The following FLT4 variants were observed in gnomAD, a reference collection of about 807,000 sequenced individuals.
FLT4 encodes the protein vascular endothelial growth factor receptor 3.
Under a neutral mutation model 163.2 loss-of-function variants are expected in FLT4, and 30 were observed. The observed-to-expected ratio is 0.18, with a 90% CI of 0.14 to 0.25. The LOEUF is 0.25. FLT4 is among the 10% of genes least tolerant of loss of function. FLT4 has a pLI of 1.00. For synonymous variants in FLT4, 884 were observed against 789.5 expected (o/e 1.12, Z -2.01); for missense variants, 1,510 against 1,863.8 (o/e 0.81, Z 3.50).
intron 23 of FLT4, among the ~76,000 whole-genome samples, chr5:180,615,337 GGGC>G (rs1762575029): frequency 1.7e-5 from 1 of 59,498 alleles, no homozygotes; most frequent in Non-Finnish European, 4.0e-5. Context: ...TCGGAGCACT[GGGC>G]CCCGCTGGTC....
intron 25 of FLT4, 85 bp downstream of exon 25, chr5:180,612,926 C>T: frequency 9.4e-7 from 1 of 1,064,428 alleles, no homozygotes; most frequent in South Asian, 1.4e-5. Context: ...CCCTGGCTTC[C>T]CTGATGCCAC....
chr5:180,649,439 TC>T, intron 1 of FLT4, 48 bp downstream of exon 1: 1 of 1,384,032 alleles, frequency 7.2e-7, no homozygotes, highest in Non-Finnish European at 9.5e-7. Flanking sequence ...CGGTACCCCC[TC>T]CCCGGCCAGC....
chr5:180,610,928 G>A (rs389528), intron 27 of FLT4, among the ~76,000 whole-genome samples: 133,132 of 148,108 alleles, frequency 0.9, 61,037 homozygotes, highest in Non-Finnish European at 0.99. Context: ...GTGGTGGCGG[G>A]TGCCTGTAGT....
In FLT4 at chr5:180,623,276, C is replaced by CTCCTCAGCCCAGAACTG; in HGVS notation, c.1549-454_1549-438dup. On this transcript the variant is annotated intron_variant, in intron 11 of 29. Transcript: ENST00000261937. The surrounding 1 kb of genome is among the most constrained non-coding windows in gnomAD (Gnocchi z 5.8). ...CTTGCTGAGATCCTCGTGAGATGGC[C>CTCCTCAGCCCAGAACTG]TCCTCAGCCCAGAACTGTCCTCAGC... is the stretch of plus-strand genomic sequence containing the variant. Among the ~76,000 whole-genome samples the CTCCTCAGCCCAGAACTG allele has an allele frequency of 6.6e-6, 1 of 152,270 alleles. No homozygotes were observed. The highest frequency in any genetic ancestry group is 1.9e-4 in the East Asian group (1 of 5,156).
chr5:180,631,251 G>A (rs183132530), intron 2 of FLT4, among the ~76,000 whole-genome samples: 6,629 of 150,982 alleles, frequency 0.044, 229 homozygotes, highest in Admixed American at 0.087. Context: ...AGGTGGGTGG[G>A]TTACGAGGTC....
chr5:180,618,700 G>GGGTTACCCGA, intron 21 of FLT4, 70 bp downstream of exon 21: 1 of 1,517,206 alleles, frequency 6.6e-7, no homozygotes, highest in Non-Finnish European at 8.9e-7. Context: ...ACCCCAGGCT[G>GGGTTACCCGA]GGGTGCCTGA....
chr5:180,630,503 G>A lies in FLT4; in HGVS notation c.400+52C>T. ...GGGTCCACAGGCTGGGGGCGGTGTG[G>A]GCCCCAGCTGCCCGGGACCCTGCTC... On this transcript the variant is annotated intron_variant, in intron 3 of 29. Coordinates refer to ENST00000261937, the MANE Select transcript of FLT4 (RefSeq NM_182925.5). This position sits in a 1 kb window ranked among gnomAD's most constrained non-coding sequence, Gnocchi z 6.3. 6.2e-7 allele frequency: 1 copy of A among 1,608,752 alleles called. No homozygotes were observed. Among genetic ancestry groups the A allele is most frequent in the Non-Finnish European group, 8.5e-7 (1 of 1,178,672 alleles).
chr5:180,611,064 T>A (rs146953548), intron 27 of FLT4, among the ~76,000 whole-genome samples: 3,285 of 151,854 alleles, frequency 0.022, 117 homozygotes, highest in African/African-American at 0.072. Context: ...CTCAAAAAAA[T>A]AAATAAATAA....
intron 1 of FLT4, among the ~76,000 whole-genome samples, chr5:180,637,760 C>G (rs1764796824): frequency 6.6e-6 from 1 of 152,190 alleles, no homozygotes; most frequent in Non-Finnish European, 1.5e-5. Context: ...GAACTCCTGA[C>G]CTCAGGTGAT....
rs1044014703 is a variant in FLT4, at chr5:180,622,926, C to CT, written c.1549-88_1549-87insA. On this transcript the variant is annotated intron_variant, in intron 11 of 29. Coordinates refer to ENST00000261937, the MANE Select transcript of FLT4 (RefSeq NM_182925.5). ...CTTTCTGCAAGGAGGTCGCTGTGCA[C>CT]CACCCCCCCCAATCATGGGGGAAAC... is the stretch of plus-strand genomic sequence containing the variant. The CT allele has an allele frequency of 7.9e-6, 4 of 506,186 alleles. No individual in the cohort carries two copies. The African/African-American group carries it at 8.3e-5, about 11-fold the overall frequency. 31.4% of individuals were successfully genotyped at this position (506,186 alleles called of 1,614,324 possible).
chr5:180,618,810 C>G lies in FLT4; in HGVS notation c.2961G>C (p.Lys987Asn). Residue 987 changes from lysine (K) to asparagine (N), a missense_variant, in exon 21 of 30, where the codon AAG becomes AAC. This residue lies in a region of FLT4 where 878 missense variants were observed against 1,016.7 expected (regional missense o/e 0.86). Transcript: ENST00000261937. Reference sequence around the variant, plus strand: ...AAGCCCGCCTCGCTCCGCCCTCGGTCTTCGAGAACCGCGCGAAGAGGACCC... The same window carrying G: ...AAGCCCGCCTCGCTCCGCCCTCGGTGTTCGAGAACCGCGCGAAGAGGACCC... Reference protein sequence around the residue: ...SDRVLFARFSKTEGGARRASP... With the variant: ...SDRVLFARFSNTEGGARRASP... The G allele has an allele frequency of 2.5e-6, 4 of 1,586,730 alleles. No individual in the cohort carries two copies. In the South Asian group the frequency reaches 4.6e-5, roughly 18 times the overall value.
intron 29 of FLT4, 106 bp downstream of exon 29, chr5:180,608,862 C>T (rs1761957244): frequency 1.9e-5 from 19 of 1,008,334 alleles, no homozygotes; most frequent in Middle Eastern, 2.0e-4. Flanking sequence ...TAGGGAGCCA[C>T]GAAAGGTTCC....
At chr5:180,625,820 G>A (rs372494781) in intron 10 of FLT4, 49 bp downstream of exon 10, 1 of 1,575,742 alleles carries the variant, frequency 6.3e-7, no homozygotes. Context: ...CATGGCTGAG[G>A]CTGGGGGCTG....
intron 1 of FLT4, among the ~76,000 whole-genome samples, chr5:180,648,547 A>ACAC (rs1162536242): frequency 6.6e-6 from 1 of 151,534 alleles, no homozygotes; most frequent in African/African-American, 2.4e-5. Flanking sequence ...GGAACCCCTG[A>ACAC]CCCCGCCCTT....
At position 180,630,255 on chromosome 5, in the gene FLT4, G is replaced by A. The variant is rs2127837062; in HGVS notation, c.483C>T (p.Ser161=). The A allele has an allele frequency of 6.2e-7, 1 of 1,612,534 alleles. No individual in the cohort carries two copies. Among genetic ancestry groups the A allele is most frequent in the East Asian group, 2.2e-5 (1 of 44,864 alleles). Residue 161 remains serine, a synonymous_variant, in exon 4 of 30, where the codon TCC becomes TCT. Coordinates refer to ENST00000261937, the MANE Select transcript of FLT4 (RefSeq NM_182925.5). The surrounding 1 kb of genome is among the most constrained non-coding windows in gnomAD (Gnocchi z 6.3). The part of the protein sequence containing the change: ...KDAMWVPCLV[S]IPGLNVTLRS... ...GCAGCGTGACATTGAGGCCGGGGAT[G>A]GACACCAGACAGGGCACCCACATGG... is the stretch of plus-strand genomic sequence containing the variant.
intron 10 of FLT4, 123 bp downstream of exon 10, chr5:180,625,746 C>T (rs1278865186): frequency 2.2e-6 from 2 of 905,698 alleles, no homozygotes; most frequent in Admixed American, 2.0e-5. Context: ...AAGTTCAGAG[C>T]AGGGCCCTGA....
chr5:180,619,426 C>CTGGCCGGTTAGCTAAGGCACAG, intron 18 of FLT4, 60 bp from the exon 19 acceptor site: 1 of 1,390,156 alleles, frequency 7.2e-7, no homozygotes, highest in Non-Finnish European at 1.0e-6. Context: ...TTCCCCGCCA[C>CTGGCCGGTTAGCTAAGGCACAG]CCGGCGCTTT....
chr5:180,616,707 C>T (rs1461032527), intron 22 of FLT4, among the ~76,000 whole-genome samples, 193 bp downstream of exon 22: 1 of 152,214 alleles, frequency 6.6e-6, no homozygotes, highest in Non-Finnish European at 1.5e-5. Context: ...GTCAAACAGA[C>T]TCTGCTGCTG....
At chr5:180,627,080 C>T (rs1362939238) in intron 8 of FLT4, among the ~76,000 whole-genome samples, 1 of 152,006 alleles carries the variant, frequency 6.6e-6, no homozygotes, top group Non-Finnish European at 1.5e-5. Flanking sequence ...GAAGCAGATG[C>T]CTCAGCCCCA....
Sources: gnomAD v4.1 joint callset for allele counts (sites outside exome capture counted in the v4.1 genomes callset) on GRCh38, gnomAD v4.1.1 for gene constraint, gnomAD v4.1.1 regional missense constraint, Gnocchi (gnomAD v3.1) non-coding constraint, MANE v1.5 for transcripts, NCBI Gene and HGNC (gene_info 2026-07-23, HGNC 2026-07-21) for gene names.